KCNIP1: variants seen among roughly 807,000 people sequenced by gnomAD.
KCNIP1 encodes the protein potassium voltage-gated channel interacting protein 1.
In KCNIP1, 18 loss-of-function variants were observed where a neutral mutation model predicts 33.0. The ratio of observed to expected loss-of-function variants is 0.55; its 90% confidence interval spans 0.38 to 0.81. KCNIP1 has a LOEUF of 0.81. Among genes scored for constraint, KCNIP1 ranks in the 30% least tolerant of loss-of-function variants. KCNIP1 has a pLI of 0.00. For missense variants in KCNIP1, 238 were observed against 271.6 expected (o/e 0.88, Z 0.87); for synonymous variants, 93 against 98.3 (o/e 0.95, Z 0.32).
rs796082362 is a variant in KCNIP1, at chr5:170,473,067, T to G, written c.88+119103T>G. ...CAACGAGCAGTGTAGAAGTGTTCCC[T>G]GTTCACTGCATCCACACCTACATCT... On this transcript the variant is annotated intron_variant, in intron 1 of 7. Coordinates refer to the KCNIP1 transcript ENST00000377360. 2.8e-4 allele frequency among the ~76,000 whole-genome samples: 42 copies of G among 152,320 alleles called. 1 individual carries two copies. Among genetic ancestry groups the G allele is most frequent in the African/African-American group, 9.6e-4 (40 of 41,578 alleles).
At chr5:170,524,339 G>T (rs74512176) in intron 1 of KCNIP1, among the ~76,000 whole-genome samples, 1 of 152,210 alleles carries the variant, frequency 6.6e-6, no homozygotes, top group East Asian at 1.9e-4. Flanking sequence ...ATGTGGCTTT[G>T]CCAAGCCTGA....
At chr5:170,378,638 G>T (rs1006544614) in intron 1 of KCNIP1, 39 of 1,505,064 alleles carry the variant, frequency 2.6e-5, no homozygotes, top group Admixed American at 1.7e-4. Flanking sequence ...TGCAAGTGGG[G>T]AGCAGCCCTG....
chr5:170,395,076 T>G (rs1754724773), intron 1 of KCNIP1, among the ~76,000 whole-genome samples: 1 of 152,260 alleles, frequency 6.6e-6, no homozygotes, highest in South Asian at 2.1e-4. Context: ...CAGGTCTCTT[T>G]ATGGTAGAAT....
intron 1 of KCNIP1, among the ~76,000 whole-genome samples, chr5:170,615,777 G>C (rs1277784245): frequency 6.6e-6 from 1 of 152,098 alleles, no homozygotes. Flanking sequence ...GTCAAATGGC[G>C]TTTGACACAT....
rs74974631 is a variant in KCNIP1, at chr5:170,421,781, C to A, written c.88+67817C>A. Among the ~76,000 whole-genome samples, 449 of 152,332 alleles carry A rather than the reference C, an allele frequency of 2.9e-3. 4 individuals are homozygous for A. Among genetic ancestry groups the A allele is most frequent in the African/African-American group, 0.011 (438 of 41,584 alleles). On this transcript the variant is annotated intron_variant, in intron 1 of 7. Transcript: ENST00000377360. ...CATCTGCCAAGTTGTGTCTTCCTCA[C>A]TCAAATTGGGTAGGTGTGGTTATTC...
chr5:170,529,663 C>T (rs1581278247), intron 1 of KCNIP1, among the ~76,000 whole-genome samples: 1 of 152,216 alleles, frequency 6.6e-6, no homozygotes, highest in African/African-American at 2.4e-5. Context: ...GGACTGTGCT[C>T]ATTGTACATG....
chr5:170,523,185 C>T (rs565684602), intron 1 of KCNIP1, among the ~76,000 whole-genome samples: 12 of 152,174 alleles, frequency 7.9e-5, no homozygotes, highest in Non-Finnish European at 1.5e-4. Flanking sequence ...CCCCACCCTG[C>T]CACCGGAAGA....
intron 1 of KCNIP1, among the ~76,000 whole-genome samples, chr5:170,431,882 C>T (rs1329631021): frequency 1.3e-5 from 2 of 152,256 alleles, no homozygotes; most frequent in Non-Finnish European, 2.9e-5. Flanking sequence ...TGCCTCTCCA[C>T]TGACACCTGC....
chr5:170,509,087 C>G (rs997633076), intron 1 of KCNIP1, among the ~76,000 whole-genome samples: 11 of 152,284 alleles, frequency 7.2e-5, no homozygotes, highest in Middle Eastern at 3.4e-3. Context: ...GAATTGCAGA[C>G]CCTGCAGGAA....
chr5:170,439,187 G>A (rs1286897990), intron 1 of KCNIP1, among the ~76,000 whole-genome samples: 1 of 152,174 alleles, frequency 6.6e-6, no homozygotes, highest in African/African-American at 2.4e-5. Context: ...AATAAACCGG[G>A]TGAACTGAAT....
chr5:170,701,794 T>C (rs895310698), intron 1 of KCNIP1, among the ~76,000 whole-genome samples: 1 of 152,120 alleles, frequency 6.6e-6, no homozygotes, highest in African/African-American at 2.4e-5. Flanking sequence ...ACTGTCCCCT[T>C]TTTCCTGTTG....
intron 1 of KCNIP1, chr5:170,713,004 G>A: frequency 1.2e-6 from 1 of 835,536 alleles, no homozygotes; most frequent in Non-Finnish European, 2.1e-6. Flanking sequence ...TGTGTCCTTT[G>A]TTAACAAGCC....
chr5:170,535,684 A>G (rs1415210618), intron 1 of KCNIP1, among the ~76,000 whole-genome samples: 1 of 152,200 alleles, frequency 6.6e-6, no homozygotes, highest in Non-Finnish European at 1.5e-5. Context: ...TCACACTTGT[A>G]GAGGTCTTTC....
intron 1 of KCNIP1, among the ~76,000 whole-genome samples, chr5:170,593,239 GAC>G (rs1758326504): frequency 6.6e-6 from 1 of 152,208 alleles, no homozygotes; most frequent in Non-Finnish European, 1.5e-5. Context: ...AGACAACAGA[GAC>G]AGTCTTCTGA....
chr5:170,642,507 G>T (rs1408856722), intron 1 of KCNIP1, among the ~76,000 whole-genome samples: 1 of 152,192 alleles, frequency 6.6e-6, no homozygotes, highest in East Asian at 1.9e-4. Flanking sequence ...GAGCAGCACG[G>T]TGCCTCCATC....
intron 1 of KCNIP1, among the ~76,000 whole-genome samples, chr5:170,498,560 G>A (rs972399494): frequency 1.3e-5 from 2 of 152,162 alleles, no homozygotes; most frequent in Non-Finnish European, 2.9e-5. Context: ...GCAATGAGGA[G>A]ATGATTTGAT....
At chr5:170,694,017 T>C (rs1367896828) in intron 1 of KCNIP1, among the ~76,000 whole-genome samples, 1 of 152,180 alleles carries the variant, frequency 6.6e-6, no homozygotes, top group East Asian at 1.9e-4. Context: ...GGTAGAATCT[T>C]GGCCTGGCCC....
At chr5:170,384,263 G>A (rs933481024) in intron 1 of KCNIP1, among the ~76,000 whole-genome samples, 17 of 152,154 alleles carry the variant, frequency 1.1e-4, no homozygotes, top group Non-Finnish European at 2.4e-4. Flanking sequence ...TATCCATATC[G>A]TCTTCATTTT....
intron 1 of KCNIP1, among the ~76,000 whole-genome samples, chr5:170,402,758 C>T (rs1754940823): frequency 6.6e-6 from 1 of 152,214 alleles, no homozygotes; most frequent in African/African-American, 2.4e-5. Flanking sequence ...GAGTATCACA[C>T]TCTTGGGATG....
Sources: allele counts gnomAD v4.1 joint callset (sites outside exome capture counted in the v4.1 genomes callset), GRCh38; gene constraint gnomAD v4.1.1; transcripts MANE v1.5; gene names NCBI Gene and HGNC (gene_info 2026-07-23, HGNC 2026-07-21).